RGSL1: variants seen among roughly 807,000 people sequenced by gnomAD.
The protein encoded by RGSL1 is regulator of G protein signaling like 1, also known as regulator of G protein signaling protein-like.
RGSL1 carries 97 observed loss-of-function variants against 124.7 expected under a neutral mutation model. That is an observed-to-expected ratio of 0.78 (90% CI 0.66 to 0.92). The LOEUF (loss-of-function observed/expected upper bound fraction) is 0.92, where lower values mean the gene tolerates loss of function less well. RGSL1 is among the 40% of genes least tolerant of loss of function. The pLI is 0.00. For synonymous variants in RGSL1, 424 were observed against 438.1 expected (o/e 0.97, Z 0.40); for missense variants, 1,233 against 1,288.4 (o/e 0.96, Z 0.66).
At chr1:182,469,842 A>C in intron 4 of RGSL1, among the ~76,000 whole-genome samples, 1 of 152,188 alleles carries the variant, frequency 6.6e-6, no homozygotes, top group East Asian at 1.9e-4. Context: ...CATAAAAAGG[A>C]AATTATGACA....
At chr1:182,475,397 A>C (rs1654210283) in intron 6 of RGSL1, among the ~76,000 whole-genome samples, 1 of 152,218 alleles carries the variant, frequency 6.6e-6, no homozygotes, top group Non-Finnish European at 1.5e-5. Flanking sequence ...GTTGGGTAAC[A>C]GATGAGAGAC....
intron 10 of RGSL1, among the ~76,000 whole-genome samples, chr1:182,526,687 CA>C (rs1658772356): frequency 6.6e-6 from 1 of 151,888 alleles, no homozygotes; most frequent in African/African-American, 2.4e-5. Flanking sequence ...ACAAGGAATG[CA>C]AAAACCAGTT....
At chr1:182,517,339 G>A (rs1367025959) in intron 9 of RGSL1, among the ~76,000 whole-genome samples, 2 of 147,418 alleles carry the variant, frequency 1.4e-5, no homozygotes, top group African/African-American at 5.0e-5. Context: ...GATTATTATA[G>A]TCCTTGGGGT....
intron 5 of RGSL1, among the ~76,000 whole-genome samples, 185 bp from the exon 6 acceptor site, chr1:182,473,390 G>A (rs547999960): frequency 6.6e-6 from 1 of 152,242 alleles, no homozygotes; most frequent in African/African-American, 2.4e-5. Context: ...GGATCCCTGT[G>A]TGCTGAGAAA....
At chr1:182,530,168 A>C (rs1393290859) in intron 11 of RGSL1, 76 bp from the exon 12 acceptor site, 6 of 1,164,020 alleles carry the variant, frequency 5.2e-6, no homozygotes, top group Non-Finnish European at 6.0e-6. Flanking sequence ...GATAAAAAAA[A>C]AAAACAAAAA....
chr1:182,521,224 C>A (rs777146377), intron 9 of RGSL1, among the ~76,000 whole-genome samples: 1 of 152,118 alleles, frequency 6.6e-6, no homozygotes, highest in East Asian at 1.9e-4. Context: ...TGCATACTAC[C>A]ACACCCAGTT....
intron 19 of RGSL1, 111 bp from the exon 20 acceptor site, chr1:182,554,516 T>C: frequency 1.2e-6 from 1 of 836,436 alleles, no homozygotes; most frequent in South Asian, 1.5e-5. Flanking sequence ...ACCCCTACAT[T>C]GGAGGTGTCC....
chr1:182,537,735 C>G (rs989957001), intron 14 of RGSL1, among the ~76,000 whole-genome samples: 1 of 152,082 alleles, frequency 6.6e-6, no homozygotes, highest in South Asian at 2.1e-4. Flanking sequence ...TCTAGTCTCT[C>G]GGTGGAAACA....
At chr1:182,514,325 G>A (rs555984675) in intron 9 of RGSL1, among the ~76,000 whole-genome samples, 10 of 152,066 alleles carry the variant, frequency 6.6e-5, no homozygotes, top group South Asian at 2.1e-4. Context: ...CTCCCATCTC[G>A]TCAGTGGGAT....
chr1:182,491,024 G>T (rs1655484085), intron 8 of RGSL1, among the ~76,000 whole-genome samples: 1 of 149,748 alleles, frequency 6.7e-6, no homozygotes, highest in South Asian at 2.1e-4. Flanking sequence ...CTAAGTTGGT[G>T]GGACTACAGG....
intron 17 of RGSL1, 54 bp from the exon 18 acceptor site, chr1:182,551,046 C>T: frequency 8.1e-7 from 1 of 1,241,384 alleles, no homozygotes; most frequent in Non-Finnish European, 1.2e-6. Flanking sequence ...CTCGGTGCTC[C>T]AGCCCCCTCC....
intron 9 of RGSL1, among the ~76,000 whole-genome samples, chr1:182,501,665 G>A (rs1397693115): frequency 6.6e-6 from 1 of 151,990 alleles, no homozygotes; most frequent in African/African-American, 2.4e-5. Flanking sequence ...ATATGTTCAC[G>A]TTGTATTGAG....
chr1:182,474,178 C>T lies in RGSL1; in HGVS notation c.1067C>T (p.Thr356Ile). 1.3e-6 allele frequency: 2 copies of T among 1,552,080 alleles called. No individual in the cohort carries two copies. Among genetic ancestry groups the T allele is most frequent in the Non-Finnish European group, 1.7e-6 (2 of 1,147,064 alleles). The change falls in exon 6 of 22, where the codon ACA becomes ATA. Residue 356 changes from threonine (T) to isoleucine (I), a missense_variant. Coordinates refer to ENST00000294854, the MANE Select transcript of RGSL1 (RefSeq NM_001137669.2). Reference sequence around the variant, plus strand: ...ATTGTCAATCACTCCTCCAAGATGACAATTCAGAAGGCCATCAAGCAAAGC... The same window carrying T: ...ATTGTCAATCACTCCTCCAAGATGATAATTCAGAAGGCCATCAAGCAAAGC... ...IPIVNHSSKM[T>I]IQKAIKQSFS...
At chr1:182,519,220 T>G (rs1658147517) in intron 9 of RGSL1, among the ~76,000 whole-genome samples, 1 of 146,442 alleles carries the variant, frequency 6.8e-6, no homozygotes, top group Non-Finnish European at 1.5e-5. Context: ...TCTTTTTCAT[T>G]GATTTTTGTT....
intron 9 of RGSL1, among the ~76,000 whole-genome samples, chr1:182,494,827 C>T (rs1480559756): frequency 1.3e-5 from 2 of 152,354 alleles, no homozygotes. Context: ...GTGGCTCCAT[C>T]ACTTCATCAA....
intron 11 of RGSL1, among the ~76,000 whole-genome samples, chr1:182,528,519 T>C (rs956364414): frequency 3.9e-5 from 6 of 152,106 alleles, no homozygotes; most frequent in Admixed American, 3.3e-4. Context: ...CTAGATACAA[T>C]AGAGATACAG....
chr1:182,456,390 G>C (rs940649792), intron 2 of RGSL1, among the ~76,000 whole-genome samples: 1 of 151,424 alleles, frequency 6.6e-6, no homozygotes, highest in South Asian at 2.1e-4. Flanking sequence ...TCCACCTTCT[G>C]GGTTCAAGTG....
chr1:182,475,868 G>A (rs1204734977), intron 6 of RGSL1, among the ~76,000 whole-genome samples: 1 of 152,176 alleles, frequency 6.6e-6, no homozygotes, highest in Non-Finnish European at 1.5e-5. Context: ...GCATTATAAC[G>A]TATTTACCTT....
chr1:182,544,566 G>T (rs1205875469), intron 15 of RGSL1, among the ~76,000 whole-genome samples: 2 of 150,554 alleles, frequency 1.3e-5, no homozygotes, highest in African/African-American at 4.9e-5. Flanking sequence ...CTATCTGGAT[G>T]ATCTGTCCAT....
Sources: allele counts gnomAD v4.1 joint callset (sites outside exome capture counted in the v4.1 genomes callset), GRCh38; gene constraint gnomAD v4.1.1; transcripts MANE v1.5; gene names NCBI Gene and HGNC (gene_info 2026-07-23, HGNC 2026-07-21).